The following CEP85L variants were observed in gnomAD, a reference collection of about 807,000 sequenced individuals.
CEP85L encodes centrosomal protein 85L.
CEP85L carries 60 observed loss-of-function variants against 100.3 expected under a neutral mutation model. The observed-to-expected ratio is 0.60, with a 90% CI of 0.49 to 0.74. The LOEUF is 0.74. Among genes scored for constraint, CEP85L ranks in the 30% least tolerant of loss-of-function variants. The probability of loss-of-function intolerance (pLI) is 0.00; values close to 1 mark genes in which losing one functional copy is unlikely to be tolerated. For missense variants in CEP85L, 973 were observed against 936.2 expected (o/e 1.04, Z -0.51); for synonymous variants, 319 against 322.7 (o/e 0.99, Z 0.12).
At chr6:118,599,815 C>T (rs1020410121) in intron 2 of CEP85L, among the ~76,000 whole-genome samples, 1 of 152,052 alleles carries the variant, frequency 6.6e-6, no homozygotes, top group African/African-American at 2.4e-5. Context: ...ATGAGAAAAA[C>T]GTAAGACAAA....
chr6:118,663,142 C>T (rs961364110), intron 1 of CEP85L, among the ~76,000 whole-genome samples: 3 of 151,760 alleles, frequency 2.0e-5, no homozygotes, highest in Non-Finnish European at 4.4e-5. Context: ...TTTGGAGAAA[C>T]CGATATACAC....
At chr6:118,702,257 T>G (rs1300555661) in intron 1 of CEP85L, among the ~76,000 whole-genome samples, 1 of 152,186 alleles carries the variant, frequency 6.6e-6, no homozygotes, top group Non-Finnish European at 1.5e-5. Context: ...ACGCCTATAA[T>G]CCCAGCACTT....
At chr6:118,495,426 A>G (rs527851188) in intron 5 of CEP85L, among the ~76,000 whole-genome samples, 2 of 152,242 alleles carry the variant, frequency 1.3e-5, no homozygotes, top group Non-Finnish European at 2.9e-5. Flanking sequence ...TTCTCGTGAT[A>G]GCGGGTGAGT....
intron 1 of CEP85L, among the ~76,000 whole-genome samples, chr6:118,669,562 A>G (rs1043873296): frequency 2.0e-5 from 3 of 152,130 alleles, no homozygotes; most frequent in Non-Finnish European, 4.4e-5. Flanking sequence ...AATAACCACT[A>G]GGGTCTATAA....
chr6:118,590,796 T>C (rs1781145149), intron 2 of CEP85L, among the ~76,000 whole-genome samples: 2 of 152,154 alleles, frequency 1.3e-5, no homozygotes. Flanking sequence ...CCCTCCTCTC[T>C]CCCCAGATGT....
intron 2 of CEP85L, among the ~76,000 whole-genome samples, chr6:118,581,889 C>A (rs78336830): frequency 1.3e-5 from 2 of 152,070 alleles, no homozygotes; most frequent in East Asian, 3.9e-4. Context: ...TGGCCCGCTG[C>A]GGGGAGCCTT....
intron 1 of CEP85L, among the ~76,000 whole-genome samples, chr6:118,671,006 G>A (rs1268039401): frequency 6.6e-6 from 1 of 151,948 alleles, no homozygotes; most frequent in Non-Finnish European, 1.5e-5. Flanking sequence ...AACGATTCCT[G>A]TGAAATTGTA....
At chr6:118,470,065 G>A (rs1360538677) in intron 11 of CEP85L, among the ~76,000 whole-genome samples, 1 of 152,068 alleles carries the variant, frequency 6.6e-6, no homozygotes, top group East Asian at 1.9e-4. Context: ...TGTTAATGTT[G>A]ATAGGAACCA....
chr6:118,672,486 G>A (rs1023510724), intron 1 of CEP85L, among the ~76,000 whole-genome samples: 10 of 152,242 alleles, frequency 6.6e-5, no homozygotes, highest in Admixed American at 1.3e-4. Flanking sequence ...ATGCCCCATG[G>A]CCAGCCATTG....
intron 3 of CEP85L, among the ~76,000 whole-genome samples, chr6:118,542,063 G>C (rs530254592): frequency 7.2e-5 from 11 of 152,232 alleles, no homozygotes; most frequent in African/African-American, 2.4e-4. Context: ...TATTTACATA[G>C]ATGGAATCAC....
At chr6:118,518,719 T>A (rs561769588) in intron 4 of CEP85L, among the ~76,000 whole-genome samples, 56 of 152,310 alleles carry the variant, frequency 3.7e-4, no homozygotes, top group Non-Finnish European at 7.1e-4. Context: ...GTTTTCCAGG[T>A]CTCTATCTCC....
chr6:118,687,185 T>C (rs1776863131), intron 1 of CEP85L, among the ~76,000 whole-genome samples: 1 of 152,226 alleles, frequency 6.6e-6, no homozygotes, highest in Non-Finnish European at 1.5e-5. Flanking sequence ...AAGCTTTTGA[T>C]GGCTGCCCTA....
intron 3 of CEP85L, among the ~76,000 whole-genome samples, chr6:118,533,268 TA>T (rs1309418593): frequency 1.3e-5 from 2 of 152,100 alleles, no homozygotes; most frequent in Non-Finnish European, 2.9e-5. Flanking sequence ...AGAGGCAAGT[TA>T]TTAGGGAGTA....
intron 2 of CEP85L, among the ~76,000 whole-genome samples, chr6:118,609,024 G>A (rs963052178): frequency 6.6e-6 from 1 of 152,092 alleles, no homozygotes; most frequent in African/African-American, 2.4e-5. Context: ...GGAGCTTCAG[G>A]TGGTGTGAAT....
At chr6:118,558,116 A>G (rs1778986177) in intron 3 of CEP85L, among the ~76,000 whole-genome samples, 1 of 151,964 alleles carries the variant, frequency 6.6e-6, no homozygotes, top group South Asian at 2.1e-4. Flanking sequence ...CAGCCTAGCT[A>G]ATTTTTATAT....
intron 1 of CEP85L, among the ~76,000 whole-genome samples, chr6:118,676,134 T>C (rs867679639): frequency 3.3e-5 from 5 of 152,176 alleles, no homozygotes; most frequent in African/African-American, 1.2e-4. Context: ...TTGTATATAT[T>C]TATGGGCACA....
intron 3 of CEP85L, among the ~76,000 whole-genome samples, chr6:118,531,201 A>G (rs1777270977): frequency 6.6e-6 from 1 of 152,100 alleles, no homozygotes; most frequent in Non-Finnish European, 1.5e-5. Flanking sequence ...AAATAATACC[A>G]TTCACCCACA....
At chr6:118,600,134 G>A (rs1290039075) in intron 2 of CEP85L, among the ~76,000 whole-genome samples, 1 of 152,000 alleles carries the variant, frequency 6.6e-6, no homozygotes, top group African/African-American at 2.4e-5. Flanking sequence ...TCTTAAAGAA[G>A]AATTCCAAAT....
At chr6:118,547,619 G>A (rs547797205) in intron 3 of CEP85L, among the ~76,000 whole-genome samples, 2 of 151,984 alleles carry the variant, frequency 1.3e-5, no homozygotes, top group African/African-American at 4.8e-5. Context: ...TGGGGGTGTT[G>A]TATGTATCAG....
Sources: allele counts gnomAD v4.1 joint callset (sites outside exome capture counted in the v4.1 genomes callset), GRCh38; gene constraint gnomAD v4.1.1; transcripts MANE v1.5; gene names NCBI Gene and HGNC (gene_info 2026-07-23, HGNC 2026-07-21).